CCSER1: variants seen among roughly 807,000 people sequenced by gnomAD.
The protein encoded by CCSER1 is serine-rich coiled-coil domain-containing protein 1.
A neutral mutation model predicts 82.0 loss-of-function variants in CCSER1; 41 were observed. The ratio of observed to expected loss-of-function variants is 0.50; its 90% CI spans 0.39 to 0.65. CCSER1 has a LOEUF of 0.65. Ranked by LOEUF, CCSER1 falls within the 30% of genes least tolerant of loss-of-function variation. The probability of loss-of-function intolerance (pLI) is 0.00; values close to 1 mark genes in which losing one functional copy is unlikely to be tolerated. For missense variants in CCSER1, 1,119 were observed against 1,064.2 expected, an observed-to-expected ratio of 1.05 and a Z score of -0.72; for synonymous variants, 414 against 383.9, an observed-to-expected ratio of 1.08 and a Z score of -0.92.
intron 10 of CCSER1, among the ~76,000 whole-genome samples, chr4:91,387,256 GC>G (rs1313135826): frequency 6.6e-6 from 1 of 151,828 alleles, no homozygotes; most frequent in Non-Finnish European, 1.5e-5. Flanking sequence ...GACAAATGAT[GC>G]AAATAGGGCA....
rs878926283 is a variant in CCSER1, at chr4:91,299,556, T to A, written c.2217+213562T>A. Reference sequence around the variant, plus strand: ...TTTGCAGATGAAAAAGTAGAGGTAGTGACAACTGAGATTTCAAAGCTAACT... The same window carrying A: ...TTTGCAGATGAAAAAGTAGAGGTAGAGACAACTGAGATTTCAAAGCTAACT... On this transcript the variant is annotated intron_variant, in intron 10 of 10. Transcript: ENST00000509176. Among the ~76,000 whole-genome samples the A allele has an allele frequency of 1.2e-4, 18 of 152,112 alleles. No individual in the cohort carries two copies. In the South Asian group the frequency reaches 1.2e-3, roughly 11 times the overall value.
intron 10 of CCSER1, among the ~76,000 whole-genome samples, chr4:91,203,494 TTAGA>T (rs145470291): frequency 0.026 from 3,957 of 151,756 alleles, 175 homozygotes; most frequent in African/African-American, 0.091. Context: ...TCTAGAGGAA[TTAGA>T]TAGATAATAA....
At chr4:91,589,517 A>G (rs1764162728) in intron 10 of CCSER1, among the ~76,000 whole-genome samples, 1 of 151,410 alleles carries the variant, frequency 6.6e-6, no homozygotes, top group African/African-American at 2.4e-5. Flanking sequence ...TTCAAGAAGC[A>G]TTTTATTACA....
intron 9 of CCSER1, among the ~76,000 whole-genome samples, chr4:91,053,612 A>T (rs1271425439): frequency 6.6e-6 from 1 of 152,156 alleles, no homozygotes; most frequent in African/African-American, 2.4e-5. Context: ...TTGGGAATTT[A>T]TCAATTTATT....
chr4:90,309,108 C>G lies in CCSER1; in HGVS notation c.824C>G (p.Ser275Cys). The G allele has an allele frequency of 6.2e-7, 1 of 1,613,908 alleles. No individual in the cohort carries two copies. Among genetic ancestry groups the G allele is most frequent in the Non-Finnish European group, 8.5e-7 (1 of 1,179,840 alleles). Residue 275 changes from serine (S) to cysteine (C), a missense_variant, in exon 2 of 11, where the codon TCT (serine) becomes TGT (cysteine). Coordinates refer to ENST00000509176, the MANE Select transcript of CCSER1 (RefSeq NM_001145065.2). ...TCTGTGTCTGAAATGGATGCATTTTCTAAAAGTGGAAGCATGGCATCCCAC... is the reference window on the plus strand; with the variant it reads ...TCTGTGTCTGAAATGGATGCATTTTGTAAAAGTGGAAGCATGGCATCCCAC... The part of the protein sequence containing the change: ...EDSVSEMDAF[S>C]KSGSMASHCD...
intron 4 of CCSER1, among the ~76,000 whole-genome samples, chr4:90,447,340 GAA>G (rs554135180): frequency 0.015 from 2,179 of 142,924 alleles, 47 homozygotes; most frequent in African/African-American, 0.052. Context: ...TCTTCCTGGG[GAA>G]AAAAAAAAAA....
chr4:91,569,643 C>T (rs970212478), intron 10 of CCSER1, among the ~76,000 whole-genome samples: 4 of 152,058 alleles, frequency 2.6e-5, no homozygotes, highest in Admixed American at 6.6e-5. Context: ...CTCATGAGAA[C>T]TCACTCACTT....
chr4:91,159,459 C>CA (rs1423559925), intron 10 of CCSER1, among the ~76,000 whole-genome samples: 1 of 151,802 alleles, frequency 6.6e-6, no homozygotes, highest in Non-Finnish European at 1.5e-5. Flanking sequence ...AACAAGATGG[C>CA]ATTATGTCTG....
chr4:90,628,730 TC>T (rs1282526992), intron 6 of CCSER1, among the ~76,000 whole-genome samples: 1 of 152,108 alleles, frequency 6.6e-6, no homozygotes, highest in Admixed American at 6.5e-5. Context: ...GTAGTTGCCC[TC>T]CCCACAGCTT....
At chr4:91,393,607 A>G (rs1328534742) in intron 10 of CCSER1, among the ~76,000 whole-genome samples, 1 of 152,104 alleles carries the variant, frequency 6.6e-6, no homozygotes, top group Non-Finnish European at 1.5e-5. Context: ...TTGTGTTGGT[A>G]AAATTTTGAG....
rs548041791 is a variant in CCSER1, at chr4:90,965,952, G to C, written c.2172+42505G>C. ...AGTACCAAATAGAAATTCTGGAGTTGAAAAGTATAGTAACTGAAATGAAAG... is the reference window on the plus strand; with the variant it reads ...AGTACCAAATAGAAATTCTGGAGTTCAAAAGTATAGTAACTGAAATGAAAG... On this transcript the variant is annotated intron_variant, in intron 9 of 10. Coordinates refer to ENST00000509176, the MANE Select transcript of CCSER1 (RefSeq NM_001145065.2). Among the ~76,000 whole-genome samples, 14 of 152,190 alleles carry C rather than the reference G, an allele frequency of 9.2e-5. No individual in the cohort carries two copies. The South Asian group carries it at 1.7e-3, about 18-fold the overall frequency.
At chr4:90,262,303 C>A (rs1724478869) in intron 1 of CCSER1, among the ~76,000 whole-genome samples, 1 of 151,828 alleles carries the variant, frequency 6.6e-6, no homozygotes, top group African/African-American at 2.4e-5. Flanking sequence ...TTTATTATAG[C>A]CTCATTTGAT....
At chr4:90,425,529 G>C (rs753425930) in intron 4 of CCSER1, among the ~76,000 whole-genome samples, 1 of 152,066 alleles carries the variant, frequency 6.6e-6, no homozygotes. Context: ...CACAGTCTCC[G>C]CCATCAAAAA....
chr4:91,598,547 T>A, intron 10 of CCSER1, 25 bp from the exon 11 acceptor site: 4 of 1,520,034 alleles, frequency 2.6e-6, no homozygotes, highest in Non-Finnish European at 3.5e-6. Context: ...TTAAGACATC[T>A]TTTTCTTTCT....
intron 4 of CCSER1, among the ~76,000 whole-genome samples, chr4:90,405,861 G>T (rs1200076408): frequency 6.6e-6 from 1 of 151,912 alleles, no homozygotes; most frequent in Non-Finnish European, 1.5e-5. Context: ...GCCAAAAGGA[G>T]CTCTAAATCT....
intron 10 of CCSER1, among the ~76,000 whole-genome samples, chr4:91,351,105 CT>C (rs1196902562): frequency 6.6e-6 from 1 of 151,832 alleles, no homozygotes; most frequent in Non-Finnish European, 1.5e-5. Flanking sequence ...ATGAAGTTTC[CT>C]CTGTTTGTTT....
intron 5 of CCSER1, among the ~76,000 whole-genome samples, chr4:90,554,413 A>G (rs1336205834): frequency 6.6e-6 from 1 of 150,768 alleles, no homozygotes; most frequent in Non-Finnish European, 1.5e-5. Context: ...AAATGATGTT[A>G]CACCCAAAAT....
intron 4 of CCSER1, among the ~76,000 whole-genome samples, chr4:90,464,632 C>A (rs1233759651): frequency 6.6e-6 from 1 of 152,166 alleles, no homozygotes; most frequent in African/African-American, 2.4e-5. Flanking sequence ...CACAGAAGAG[C>A]AAATTTAGCA....
intron 10 of CCSER1, among the ~76,000 whole-genome samples, chr4:91,294,300 C>T (rs1743991853): frequency 6.6e-6 from 1 of 151,786 alleles, no homozygotes; most frequent in Non-Finnish European, 1.5e-5. Context: ...ATGTGTACAC[C>T]TTACTAACAG....
Sources: allele counts gnomAD v4.1 joint callset (sites outside exome capture counted in the v4.1 genomes callset), GRCh38; gene constraint gnomAD v4.1.1; transcripts MANE v1.5; gene names NCBI Gene and HGNC (gene_info 2026-07-23, HGNC 2026-07-21).